The following FRMD6 variants were observed in gnomAD, a reference collection of about 807,000 sequenced individuals.
FRMD6 encodes the protein FERM domain containing 6, also known as FERM domain-containing protein 6.
A neutral mutation model predicts 73.2 loss-of-function variants in FRMD6; 37 were observed. That is an observed-to-expected ratio of 0.51 (90% CI 0.39 to 0.66). The LOEUF is 0.66. FRMD6 is among the 30% of genes least tolerant of loss of function. The pLI is 0.00. For synonymous variants in FRMD6, 273 were observed against 282.2 expected, an observed-to-expected ratio of 0.97 and a Z score of 0.33; for missense variants, 714 against 780.5, an observed-to-expected ratio of 0.91 and a Z score of 1.02.
chr14:51,451,466 T>C, the FRMD6 span, among the ~76,000 whole-genome samples: 1 of 152,176 alleles, frequency 6.6e-6, no homozygotes, highest in African/African-American at 2.4e-5. Context: ...CTACACCTCT[T>C]GGGTTCAATT....
intron 3 of FRMD6, among the ~76,000 whole-genome samples, chr14:51,700,804 A>G (rs994821854): frequency 2.2e-4 from 33 of 151,932 alleles, no homozygotes; most frequent in Admixed American, 6.6e-5. Context: ...GGAATCTAAG[A>G]TTTCTTCTAA....
At chr14:51,671,155 A>G (rs79317309) in intron 1 of FRMD6, among the ~76,000 whole-genome samples, 334 of 152,252 alleles carry the variant, frequency 2.2e-3, no homozygotes, top group African/African-American at 7.5e-3. Context: ...CAGTATACCA[A>G]ATTTTGTTAG....
At chr14:51,444,118 A>G in the FRMD6 span, among the ~76,000 whole-genome samples, 1 of 152,130 alleles carries the variant, frequency 6.6e-6, no homozygotes. Flanking sequence ...TAGTTGAGAC[A>G]GGGTTTTGCC....
the FRMD6 span, among the ~76,000 whole-genome samples, chr14:51,481,382 A>G: frequency 2.6e-5 from 4 of 152,164 alleles, no homozygotes; most frequent in Non-Finnish European, 4.4e-5. Flanking sequence ...TGAAAGGGGA[A>G]ACCCCTTATA....
At chr14:51,539,444 A>T (rs1248728389) in intron 1 of FRMD6, among the ~76,000 whole-genome samples, 1 of 152,194 alleles carries the variant, frequency 6.6e-6, no homozygotes, top group Admixed American at 6.5e-5. Context: ...CAACATCTAC[A>T]TAGTGCCTGA....
chr14:51,441,927 A>G, the FRMD6 span, among the ~76,000 whole-genome samples: 1 of 152,158 alleles, frequency 6.6e-6, no homozygotes, highest in Non-Finnish European at 1.5e-5. Context: ...ATATCTGTTA[A>G]CCGAGATGAA....
chr14:51,704,889 A>C lies in FRMD6; in HGVS notation c.512A>C (p.Lys171Thr). ...QADLGNFKRN[K>T]HYGKYFEPEA... ...GATCTTGGGAACTTCAAAAGGAATAAGCACTATGGAAAATACTTCGAGCCA... is the reference window on the plus strand; with the variant it reads ...GATCTTGGGAACTTCAAAAGGAATACGCACTATGGAAAATACTTCGAGCCA... The change falls in exon 6 of 14, where the codon AAG becomes ACG. Residue 171 changes from lysine to threonine, a missense_variant. By Grantham distance (78) the Lys-to-Thr change is moderately conservative. Coordinates refer to ENST00000344768, the MANE Select transcript of FRMD6 (RefSeq NM_001267046.2). 1 of 1,613,190 alleles carries C rather than the reference A, an allele frequency of 6.2e-7. No homozygotes were observed. The highest frequency in any genetic ancestry group is 1.1e-5 in the South Asian group (1 of 91,022).
intron 1 of FRMD6, among the ~76,000 whole-genome samples, chr14:51,559,444 T>A (rs1596599320): frequency 2.0e-5 from 3 of 152,082 alleles, no homozygotes; most frequent in East Asian, 3.9e-4. Flanking sequence ...ATCAGAATCC[T>A]CCGGTGGTGA....
intron 1 of FRMD6, among the ~76,000 whole-genome samples, chr14:51,569,461 T>A (rs1887975564): frequency 6.6e-6 from 1 of 152,042 alleles, no homozygotes; most frequent in Non-Finnish European, 1.5e-5. Flanking sequence ...CTGACATTAT[T>A]GTCACTTTCT....
the FRMD6 span, among the ~76,000 whole-genome samples, chr14:51,473,400 C>G: frequency 2.5e-3 from 382 of 152,324 alleles, no homozygotes; most frequent in Non-Finnish European, 4.0e-3. Context: ...GCTGCCTCAG[C>G]TGACTCTGAC....
At chr14:51,464,625 A>G in the FRMD6 span, among the ~76,000 whole-genome samples, 4 of 152,212 alleles carry the variant, frequency 2.6e-5, no homozygotes, top group Non-Finnish European at 1.5e-5. Flanking sequence ...TACTCTGGGC[A>G]ACAAGAAAAC....
chr14:51,429,048 GGAAGA>G, the FRMD6 span, among the ~76,000 whole-genome samples: 2 of 105,210 alleles, frequency 1.9e-5, no homozygotes, highest in South Asian at 3.5e-4. Flanking sequence ...AAAAGAAAAG[GGAAGA>G]GAAGAGGAGA....
intron 1 of FRMD6, among the ~76,000 whole-genome samples, chr14:51,661,350 C>G (rs567467508): frequency 8.5e-5 from 13 of 152,242 alleles, no homozygotes; most frequent in Middle Eastern, 3.4e-3. Flanking sequence ...AGTAATTATG[C>G]ACGTTTTTCC....
upstream of FRMD6, chr14:51,651,691 C>T (rs1478657555): frequency 1.4e-5 from 2 of 143,364 alleles, no homozygotes; most frequent in African/African-American, 2.5e-5. Context: ...CCGCGGGACG[C>T]TTGGTTGGGT....
chr14:51,560,699 G>C (rs890848333), intron 1 of FRMD6, among the ~76,000 whole-genome samples: 1 of 152,118 alleles, frequency 6.6e-6, no homozygotes, highest in African/African-American at 2.4e-5. Flanking sequence ...GATCAGTCTG[G>C]TCTCAAACTC....
intron 1 of FRMD6, among the ~76,000 whole-genome samples, chr14:51,500,452 TGGAAGC>T (rs1274226610): frequency 2.0e-5 from 3 of 151,822 alleles, no homozygotes; most frequent in Non-Finnish European, 4.4e-5. Flanking sequence ...GCTTGAACCC[TGGAAGC>T]GGAGGTGGCA....
At chr14:51,408,692 A>G in the FRMD6 span, among the ~76,000 whole-genome samples, 5 of 152,238 alleles carry the variant, frequency 3.3e-5, no homozygotes, top group East Asian at 9.7e-4. Flanking sequence ...TTAAACATGT[A>G]AAGTATTTTC....
At chr14:51,408,728 T>C in the FRMD6 span, among the ~76,000 whole-genome samples, 1 of 152,212 alleles carries the variant, frequency 6.6e-6, no homozygotes, top group African/African-American at 2.4e-5. Context: ...AATTTTAATA[T>C]CTATATATTG....
intron 1 of FRMD6, among the ~76,000 whole-genome samples, chr14:51,566,274 G>A (rs1045048631): frequency 2.6e-5 from 4 of 152,154 alleles, no homozygotes; most frequent in African/African-American, 4.8e-5. Flanking sequence ...TCGAACACAC[G>A]CAGCTTGCAT....
Sources: allele counts gnomAD v4.1 joint callset (sites outside exome capture counted in the v4.1 genomes callset), GRCh38; gene constraint gnomAD v4.1.1; transcripts MANE v1.5; gene names NCBI Gene and HGNC (gene_info 2026-07-23, HGNC 2026-07-21).